CCDC171: variants seen among roughly 807,000 people sequenced by gnomAD.
CCDC171 encodes the protein coiled-coil domain-containing protein 171.
A neutral mutation model predicts 168.2 loss-of-function variants in CCDC171; 177 were observed. The observed-to-expected ratio is 1.05, with a 90% CI of 0.93 to 1.19. The LOEUF (loss-of-function observed/expected upper bound fraction) is 1.19. Ranked by LOEUF, CCDC171 falls within the 50% of genes most tolerant of loss-of-function variation. CCDC171 has a pLI of 0.00. For synonymous variants in CCDC171, 687 were observed against 540.8 expected (o/e 1.27, Z -3.75); for missense variants, 1,991 against 1,539.0 (o/e 1.29, Z -4.91).
chr9:15,922,642 C>T (rs1207142202), intron 25 of CCDC171, among the ~76,000 whole-genome samples: 1 of 151,554 alleles, frequency 6.6e-6, no homozygotes, highest in Non-Finnish European at 1.5e-5. Context: ...TTTGAGGAAT[C>T]TTCATACTGT....
chr9:15,942,736 T>G (rs1330330797), intron 25 of CCDC171, among the ~76,000 whole-genome samples: 2 of 151,884 alleles, frequency 1.3e-5, no homozygotes, highest in African/African-American at 4.8e-5. Context: ...CTGCAACAGA[T>G]TGTCCTTATG....
At chr9:15,579,717 G>T (rs1257026687) in intron 4 of CCDC171, among the ~76,000 whole-genome samples, 1 of 152,084 alleles carries the variant, frequency 6.6e-6, no homozygotes, top group Admixed American at 6.5e-5. Flanking sequence ...TACTTTATAT[G>T]AATGGAATCA....
In CCDC171 at chr9:15,846,833, C is replaced by G; in HGVS notation, c.3399C>G (p.Leu1133=). ...EENIHDAESA[L]RMAAKDKECV... is the part of the protein sequence containing the mutation. ...ACATCCATGATGCAGAGAGTGCCCT[C>G]CGCATGGCAGCCAAGTGAGCATTTG... is the stretch of plus-strand genomic sequence containing the variant. The change falls in exon 22 of 26, where the codon CTC becomes CTG. Residue 1133 remains leucine, a synonymous_variant. Coordinates refer to ENST00000380701, the MANE Select transcript of CCDC171 (RefSeq NM_173550.4). 1 of 1,607,022 alleles carries G rather than the reference C, an allele frequency of 6.2e-7. No homozygotes were observed. The highest frequency in any genetic ancestry group is 8.5e-7 in the Non-Finnish European group (1 of 1,176,268).
chr9:15,644,135 A>C (rs1188160300), intron 7 of CCDC171, among the ~76,000 whole-genome samples: 6 of 152,186 alleles, frequency 3.9e-5, no homozygotes, highest in Non-Finnish European at 5.9e-5. Flanking sequence ...TAATTTTTTG[A>C]GCAGCTACCA....
intron 7 of CCDC171, among the ~76,000 whole-genome samples, chr9:15,625,475 T>A (rs1350709999): frequency 6.6e-6 from 1 of 152,224 alleles, no homozygotes; most frequent in Non-Finnish European, 1.5e-5. Context: ...CTTTAATCCA[T>A]CTTGAATTAA....
intron 25 of CCDC171, among the ~76,000 whole-genome samples, chr9:15,935,462 C>A (rs573346522): frequency 4.8e-4 from 73 of 152,188 alleles, no homozygotes; most frequent in African/African-American, 1.7e-3. Flanking sequence ...GTTACAAATA[C>A]TGATTTTGAA....
At chr9:15,806,322 G>A (rs7027040) in intron 21 of CCDC171, among the ~76,000 whole-genome samples, 141,114 of 152,192 alleles carry the variant, frequency 0.93, 65,550 homozygotes, top group East Asian at 0.98. Flanking sequence ...TGGTTGCTTC[G>A]TAGTGGCATT....
intron 25 of CCDC171, among the ~76,000 whole-genome samples, chr9:15,951,326 T>G (rs1224892810): frequency 6.6e-6 from 1 of 151,932 alleles, no homozygotes; most frequent in South Asian, 2.1e-4. Flanking sequence ...TATACATTTT[T>G]TTCAGCACCA....
intron 11 of CCDC171, among the ~76,000 whole-genome samples, 185 bp downstream of exon 11, chr9:15,695,522 AC>A (rs997308175): frequency 1.1e-4 from 16 of 152,192 alleles, no homozygotes; most frequent in Non-Finnish European, 2.1e-4. Flanking sequence ...CGGAATATGG[AC>A]CTGCTGTTGT....
chr9:15,968,869 TA>T (rs1333622225), intron 25 of CCDC171, among the ~76,000 whole-genome samples: 1 of 152,154 alleles, frequency 6.6e-6, no homozygotes, highest in Non-Finnish European at 1.5e-5. Context: ...TTAAGTGACT[TA>T]AAATCAGACT....
At chr9:15,668,388 G>T (rs116724181) in intron 9 of CCDC171, among the ~76,000 whole-genome samples, 1 of 152,014 alleles carries the variant, frequency 6.6e-6, no homozygotes, top group African/African-American at 2.4e-5. Context: ...TTGTATTTTG[G>T]TACTTGAAAA....
rs145217856 is a variant in CCDC171 at position 15,651,852 on chromosome 9, A to G, written c.823-5275A>G. On this transcript the variant is annotated intron_variant, in intron 7 of 25. Coordinates refer to ENST00000380701, the MANE Select transcript of CCDC171 (RefSeq NM_173550.4). ...TGTTTGTTTGTTTGTTTGTTTGTTT[A>G]TTTATGCTTGTGCTTTTGCTATCTG... Among the ~76,000 whole-genome samples, 394 of 150,908 alleles carry G rather than the reference A, an allele frequency of 2.6e-3. 5 individuals carry two copies. In the East Asian group the frequency reaches 0.046, roughly 18 times the overall value.
intron 10 of CCDC171, among the ~76,000 whole-genome samples, chr9:15,681,992 C>G (rs1587934303): frequency 6.6e-6 from 1 of 152,024 alleles, no homozygotes; most frequent in Non-Finnish European, 1.5e-5. Context: ...GCATAAATTA[C>G]TAACAGGTAA....
the CCDC171 span, among the ~76,000 whole-genome samples, chr9:16,069,940 G>A: frequency 1.3e-5 from 2 of 152,118 alleles, no homozygotes; most frequent in African/African-American, 4.8e-5. Context: ...CCCTCCCATA[G>A]CAGGGGCAGG....
chr9:15,754,074 G>A (rs549871842), intron 18 of CCDC171, among the ~76,000 whole-genome samples: 68 of 152,196 alleles, frequency 4.5e-4, no homozygotes, highest in Non-Finnish European at 8.7e-4. Flanking sequence ...CAGAAAGGAT[G>A]GGAACATATT....
intron 11 of CCDC171, among the ~76,000 whole-genome samples, chr9:15,710,419 C>T (rs1588087398): frequency 6.6e-6 from 1 of 152,086 alleles, no homozygotes; most frequent in Non-Finnish European, 1.5e-5. Flanking sequence ...TCTCCTGCCT[C>T]AGCCTCCCAG....
At chr9:15,699,661 T>C (rs190380746) in intron 11 of CCDC171, among the ~76,000 whole-genome samples, 74 of 152,164 alleles carry the variant, frequency 4.9e-4, no homozygotes, top group African/African-American at 1.7e-3. Context: ...AGAGTGTCGA[T>C]TGGTGAATTC....
Position 15,634,543 on chromosome 9 carries a change from C to G in CCDC171, c.822+11130C>G, listed in dbSNP as rs969670864. 2.0e-5 allele frequency among the ~76,000 whole-genome samples: 3 copies of G among 152,104 alleles called. No homozygotes were observed. In the South Asian group the frequency reaches 6.2e-4, roughly 32 times the overall value. Reference sequence around the variant, plus strand: ...AGATTTATATTCTTCAGATAATAAACCTTTGTGTGAGGGCTAGGGTAGGGT... The same window carrying G: ...AGATTTATATTCTTCAGATAATAAAGCTTTGTGTGAGGGCTAGGGTAGGGT... On this transcript the variant is annotated intron_variant, in intron 7 of 25. Transcript: ENST00000380701.
intron 8 of CCDC171, among the ~76,000 whole-genome samples, chr9:15,658,199 T>A (rs1424190718): frequency 6.6e-6 from 1 of 152,154 alleles, no homozygotes; most frequent in Non-Finnish European, 1.5e-5. Flanking sequence ...AGTTTGGAGA[T>A]AATGGTGGGA....
Sources: gnomAD v4.1 joint callset for allele counts (sites outside exome capture counted in the v4.1 genomes callset) on GRCh38, gnomAD v4.1.1 for gene constraint, MANE v1.5 for transcripts, NCBI Gene and HGNC (gene_info 2026-07-23, HGNC 2026-07-21) for gene names.